Variants in ITPR3 observed in about 807,000 individuals in gnomAD.
ITPR3 encodes the protein inositol 1,4,5-trisphosphate receptor type 3.
A neutral mutation model predicts 293.2 loss-of-function variants in ITPR3; 173 were observed. The observed-to-expected ratio is 0.59, with a 90% confidence interval of 0.52 to 0.67. The LOEUF (loss-of-function observed/expected upper bound fraction) is 0.67. Among genes scored for constraint, ITPR3 ranks in the 30% least tolerant of loss-of-function variants. ITPR3 has a pLI of 0.00. For synonymous variants in ITPR3, 1,295 were observed against 1,444.4 expected (o/e 0.90, Z 2.35); for missense variants, 2,796 against 3,592.1 (o/e 0.78, Z 5.66).
At position 33,692,911 on chromosome 6, in the gene ITPR3, C is replaced by T. The variant is rs1390378569; in HGVS notation, c.7624+18C>T. 1 of 1,613,022 alleles carries T rather than the reference C, an allele frequency of 6.2e-7. No homozygotes were observed. The highest frequency in any genetic ancestry group is 8.5e-7 in the Non-Finnish European group (1 of 1,179,276). The stretch of plus-strand genomic sequence containing the variant: ...CATCTGTGGTGAGGGCTGCTTCCTG[C>T]TCTGTGGAGGCCGCAGCGGGGCTGG... On this transcript the variant is annotated intron_variant, in intron 55 of 57. Coordinates refer to ENST00000605930, the MANE Select transcript of ITPR3 (RefSeq NM_002224.4). The surrounding 1 kb of genome is among the most constrained non-coding windows in gnomAD (Gnocchi z 4.2).
chr6:33,693,416 C>T (rs1002369789), intron 55 of ITPR3, 129 bp from the exon 56 acceptor site: 7 of 854,436 alleles, frequency 8.2e-6, no homozygotes, highest in African/African-American at 3.4e-5. Flanking sequence ...TAGCCCAGAG[C>T]GAGCTGTTGG....
At chr6:33,676,481 G>A (rs556192073) in intron 25 of ITPR3, among the ~76,000 whole-genome samples, 1 of 152,362 alleles carries the variant, frequency 6.6e-6, no homozygotes, top group East Asian at 1.9e-4. Context: ...CAGTGGATAA[G>A]TGACAGACCA....
At chr6:33,644,673 T>C (rs1316964927) in intron 2 of ITPR3, among the ~76,000 whole-genome samples, 1 of 150,760 alleles carries the variant, frequency 6.6e-6, no homozygotes, top group Non-Finnish European at 1.5e-5. Flanking sequence ...TTTTTTTTTT[T>C]TTTTTTTTGA....
Position 33,676,818 on chromosome 6 carries a change from G to A in ITPR3, c.3333G>A (p.Lys1111=). ...ACGTGGAGAACTACAAGGTGATCAA[G>A]TCGGAGCTGGACCGGCTGCGGACCA... ...AQDVENYKVI[K]SELDRLRTMV... is the part of the protein sequence containing the mutation. The change falls in exon 26 of 58, where the codon AAG becomes AAA. Residue 1111 remains lysine, a synonymous_variant. Transcript: ENST00000605930. The A allele has an allele frequency of 6.2e-7, 1 of 1,614,210 alleles. No homozygotes were observed. Among genetic ancestry groups the A allele is most frequent in the Non-Finnish European group, 8.5e-7 (1 of 1,180,034 alleles).
chr6:33,674,497 G>A (rs930494054), intron 24 of ITPR3, among the ~76,000 whole-genome samples: 1 of 152,230 alleles, frequency 6.6e-6, no homozygotes, highest in African/African-American at 2.4e-5. Context: ...CTCAGGGCAG[G>A]TGTGCCTCTC....
Position 33,672,106 on chromosome 6 carries a change from T to C in ITPR3, c.2806T>C (p.Phe936Leu). 1 of 1,613,892 alleles carries C rather than the reference T, an allele frequency of 6.2e-7. No homozygotes were observed. The highest frequency in any genetic ancestry group is 8.5e-7 in the Non-Finnish European group (1 of 1,179,942). Reference sequence around the variant, plus strand: ...GGTGCTGAGCCGCAAGCAGTCCGTCTTCAGTGCCCCCAGCCTGTCTGCTGG... The same window carrying C: ...GGTGCTGAGCCGCAAGCAGTCCGTCCTCAGTGCCCCCAGCCTGTCTGCTGG... ...TMVLSRKQSVFSAPSLSAGAS... is the reference protein window; with the variant it reads ...TMVLSRKQSVLSAPSLSAGAS... Residue 936 changes from phenylalanine (F) to leucine (L), a missense_variant, in exon 22 of 58, where the codon TTC becomes CTC. By Grantham distance (22) the Phe-to-Leu change is conservative. Coordinates refer to ENST00000605930, the MANE Select transcript of ITPR3 (RefSeq NM_002224.4). This position sits in a 1 kb window ranked among gnomAD's most constrained non-coding sequence, Gnocchi z 5.0.
chr6:33,621,809 C>T lies in ITPR3; in HGVS notation c.89+118C>T. ...AGAGGCCTGGACGTCCCCCTAGTCT[C>T]AAGGAGCGGGAACGGCTCGCCTCCT... On this transcript the variant is annotated intron_variant, in intron 1 of 57. Transcript: ENST00000605930. This position sits in a 1 kb window ranked among gnomAD's most constrained non-coding sequence, Gnocchi z 7.7. The T allele has an allele frequency of 1.4e-6, 1 of 729,742 alleles. No homozygotes were observed. The highest frequency in any genetic ancestry group is 2.3e-6 in the Non-Finnish European group (1 of 431,180). The allele number at this position is 729,742 out of a possible 1,614,324, so 45.2% of individuals were successfully genotyped here. A position where few individuals can be genotyped will look rare whatever the true frequency, so the allele number is the denominator to read the frequency against.
At position 33,663,460 on chromosome 6, in the gene ITPR3, G is replaced by A. The variant is rs766617849; in HGVS notation, c.955-40G>A. On this transcript the variant is annotated intron_variant, in intron 9 of 57. Coordinates refer to ENST00000605930, the MANE Select transcript of ITPR3 (RefSeq NM_002224.4). ...GCAGTGGGTCGTGTGGGTATAGTTTGGTGTCCAGTAGCTCCCCCACATCTT... is the reference window on the plus strand; with the variant it reads ...GCAGTGGGTCGTGTGGGTATAGTTTAGTGTCCAGTAGCTCCCCCACATCTT... 5.7e-6 allele frequency: 9 copies of A among 1,572,400 alleles called. No homozygotes were observed. The Admixed American group carries it at 1.6e-4, about 28-fold the overall frequency.
intron 2 of ITPR3, among the ~76,000 whole-genome samples, chr6:33,640,879 G>A (rs1440026673): frequency 1.3e-5 from 2 of 152,254 alleles, no homozygotes; most frequent in Non-Finnish European, 2.9e-5. Context: ...CTGAGGGAAC[G>A]GGTGGAAAAG....
rs2274200 is a variant in ITPR3, at chr6:33,657,919, T to C, written c.283-13T>C. ...TCTGAGCCCACCCTTCACTTCTGTG[T>C]GTGTCTGTGCAGCATGCGGCGCAGA... On this transcript the variant is annotated splice_polypyrimidine_tract_variant and intron_variant, in intron 3 of 57. Coordinates refer to ENST00000605930, the MANE Select transcript of ITPR3 (RefSeq NM_002224.4). 373,622 of 1,611,136 alleles carry C rather than the reference T, an allele frequency of 0.23. 45,897 individuals carry two copies. The highest frequency in any genetic ancestry group is 0.3 in the Admixed American group (18,088 of 59,732).
At chr6:33,669,460 G>A (rs1461703992) in intron 18 of ITPR3, among the ~76,000 whole-genome samples, 1 of 152,210 alleles carries the variant, frequency 6.6e-6, no homozygotes, top group Non-Finnish European at 1.5e-5. Flanking sequence ...AGCTAGCCAT[G>A]GTGGTGCACA....
chr6:33,688,107 A>T lies in ITPR3; in HGVS notation c.6315A>T (p.Pro2105=). The T allele has an allele frequency of 6.2e-7, 1 of 1,614,148 alleles. No homozygotes were observed. Residue 2105 remains proline (P), a synonymous_variant, in exon 47 of 58, where the codon CCA becomes CCT. Transcript: ENST00000605930. ...QLSQMLKSSA[P]AQEEEEDPLA... ...CACAGATGCTCAAGTCCTCAGCGCC[A>T]GCACAGGAGGAGGAGGAAGACCCCC...
chr6:33,626,354 C>T (rs1763549691), intron 1 of ITPR3, among the ~76,000 whole-genome samples: 1 of 152,196 alleles, frequency 6.6e-6, no homozygotes, highest in African/African-American at 2.4e-5. Context: ...AAAAAAATTT[C>T]AGCTCCCAAG....
Position 33,687,414 on chromosome 6 carries a change from C to T in ITPR3, c.6178-64C>T, listed in dbSNP as rs988354763. 2.6e-5 allele frequency: 40 copies of T among 1,513,068 alleles called. No homozygotes were observed. Among genetic ancestry groups the T allele is most frequent in the African/African-American group, 9.6e-5 (7 of 72,882 alleles). 93.7% of individuals were successfully genotyped at this position (1,513,068 alleles called of 1,614,324 possible). A position where few individuals can be genotyped will look rare whatever the true frequency, so the allele number is the denominator to read the frequency against. On this transcript the variant is annotated intron_variant, in intron 45 of 57. Transcript: ENST00000605930. This position sits in a 1 kb window ranked among gnomAD's most constrained non-coding sequence, Gnocchi z 5.3. ...GCCATCATCCCCCAGTCGCCATTGT[C>T]GCCCCCCAGCCACCATGTCCCCCAG...
At chr6:33,657,620 G>A (rs536351609) in intron 3 of ITPR3, among the ~76,000 whole-genome samples, 1 of 151,942 alleles carries the variant, frequency 6.6e-6, no homozygotes, top group Non-Finnish European at 1.5e-5. Context: ...GGGGGTAAGG[G>A]GATTGCGGGG....
intron 50 of ITPR3, 58 bp from the exon 51 acceptor site, chr6:33,689,976 G>T (rs1241476754): frequency 1.3e-6 from 2 of 1,597,748 alleles, no homozygotes; most frequent in Non-Finnish European, 1.7e-6. Context: ...GGGGACATGC[G>T]TGCAGATTCA....
intron 1 of ITPR3, among the ~76,000 whole-genome samples, chr6:33,628,284 G>T (rs1367753892): frequency 6.6e-6 from 1 of 152,228 alleles, no homozygotes; most frequent in Non-Finnish European, 1.5e-5. Flanking sequence ...TGTGTGAGTG[G>T]AAGGGAAGAA....
At position 33,680,400 on chromosome 6, in the gene ITPR3, C is replaced by T. The variant is rs772629282; in HGVS notation, c.4296C>T (p.Tyr1432=). The stretch of plus-strand genomic sequence containing the variant: ...CGGAGGTGGAGATGAAGGAGATCTA[C>T]ACCAGCAACCACATCTGGACGCTCT... ...VDTEVEMKEI[Y]TSNHIWTLFE... The change falls in exon 32 of 58, where the codon TAC becomes TAT. Residue 1432 remains tyrosine, a synonymous_variant. Transcript: ENST00000605930. 2 of 1,613,716 alleles carry T rather than the reference C, an allele frequency of 1.2e-6. No homozygotes were observed. The highest frequency in any genetic ancestry group is 4.5e-5 in the East Asian group (2 of 44,888).
At chr6:33,626,580 A>G (rs1277528449) in intron 1 of ITPR3, among the ~76,000 whole-genome samples, 2 of 152,274 alleles carry the variant, frequency 1.3e-5, no homozygotes, top group East Asian at 3.9e-4. Flanking sequence ...AGACTTCATA[A>G]TGTCATTCAA....
Sources: gnomAD v4.1 joint callset for allele counts (sites outside exome capture counted in the v4.1 genomes callset) on GRCh38, gnomAD v4.1.1 for gene constraint, Gnocchi (gnomAD v3.1) non-coding constraint, MANE v1.5 for transcripts, NCBI Gene and HGNC (gene_info 2026-07-23, HGNC 2026-07-21) for gene names.